RASSF3: variants seen among roughly 807,000 people sequenced by gnomAD.
RASSF3 encodes the protein Ras association domain family member 3, also known as ras association domain-containing protein 3.
Under a neutral mutation model 19.9 loss-of-function variants are expected in RASSF3, and 19 were observed. That is an observed-to-expected ratio of 0.96 (90% CI 0.67 to 1.40). The LOEUF (loss-of-function observed/expected upper bound fraction) is 1.40, where lower values mean the gene tolerates loss of function less well. Among genes scored for constraint, RASSF3 ranks in the 40% most tolerant of loss-of-function variants. The pLI, the probability that RASSF3 is intolerant of heterozygous loss-of-function variation, is 0.00. For synonymous variants in RASSF3, 110 were observed against 104.2 expected (o/e 1.06, Z -0.34); for missense variants, 306 against 289.8 (o/e 1.06, Z -0.41).
intron 1 of RASSF3, among the ~76,000 whole-genome samples, chr12:64,540,090 G>A (rs1339093148): frequency 6.6e-6 from 1 of 152,128 alleles, no homozygotes; most frequent in Non-Finnish European, 1.5e-5. Context: ...TGTTTTATCT[G>A]AAGCTTAACC....
chr12:64,661,677 C>CTTTT (rs71092993), intron 1 of RASSF3, among the ~76,000 whole-genome samples: 41 of 78,946 alleles, frequency 5.2e-4, no homozygotes, highest in Non-Finnish European at 7.6e-4. Context: ...TTTTCTTTTT[C>CTTTT]TTTTTTTTTT....
chr12:64,656,646 A>G (rs1055869859), intron 1 of RASSF3, among the ~76,000 whole-genome samples: 2 of 152,202 alleles, frequency 1.3e-5, no homozygotes, highest in Admixed American at 6.5e-5. Context: ...TGTTTACACA[A>G]GCCTGAGTCT....
At chr12:64,664,607 A>T (rs78026150) in intron 1 of RASSF3, among the ~76,000 whole-genome samples, 353 of 152,322 alleles carry the variant, frequency 2.3e-3, no homozygotes, top group African/African-American at 8.1e-3. Context: ...GAAAAATAAA[A>T]TCAGTTTCAG....
At chr12:64,560,839 T>G (rs549894009) in intron 2 of RASSF3, among the ~76,000 whole-genome samples, 1 of 152,178 alleles carries the variant, frequency 6.6e-6, no homozygotes, top group Non-Finnish European at 1.5e-5. Context: ...GCAAAGCAGG[T>G]CTGACCTCTG....
chr12:64,567,309 A>G (rs1206247156), intron 2 of RASSF3, among the ~76,000 whole-genome samples: 1 of 152,180 alleles, frequency 6.6e-6, no homozygotes, highest in African/African-American at 2.4e-5. Flanking sequence ...ATACAAAGGA[A>G]TGGAAGGAAT....
intron 1 of RASSF3, among the ~76,000 whole-genome samples, chr12:64,635,105 C>G (rs1871291422): frequency 6.6e-6 from 1 of 151,674 alleles, no homozygotes. Context: ...AGGTACATAC[C>G]ACTACACCTG....
chr12:64,694,120 T>C (rs1868322046), intron 4 of RASSF3, among the ~76,000 whole-genome samples: 1 of 152,088 alleles, frequency 6.6e-6, no homozygotes, highest in South Asian at 2.1e-4. Flanking sequence ...CCGGAGAGTT[T>C]AGAGTCTTTC....
chr12:64,649,191 G>T (rs1162844644), intron 1 of RASSF3, among the ~76,000 whole-genome samples: 6 of 145,168 alleles, frequency 4.1e-5, no homozygotes, highest in Non-Finnish European at 9.1e-5. Flanking sequence ...AGCCATCTGG[G>T]TTTTTTTTTT....
chr12:64,677,972 C>T (rs1211923474), intron 1 of RASSF3, among the ~76,000 whole-genome samples: 2 of 152,206 alleles, frequency 1.3e-5, no homozygotes, highest in African/African-American at 4.8e-5. Context: ...TGCTTCATTG[C>T]AAACCTGCTT....
At chr12:64,694,621 C>G in intron 4 of RASSF3, 142 bp from the exon 5 acceptor site, 1 of 855,868 alleles carries the variant, frequency 1.2e-6, no homozygotes. Context: ...GCTGGCAACA[C>G]CCCAGCTCTT....
At chr12:64,651,769 C>T (rs1257389576) in intron 1 of RASSF3, among the ~76,000 whole-genome samples, 1 of 151,952 alleles carries the variant, frequency 6.6e-6, no homozygotes, top group Non-Finnish European at 1.5e-5. Context: ...CTCAGGTGAT[C>T]CTTCACCCTC....
intron 2 of RASSF3, among the ~76,000 whole-genome samples, chr12:64,604,045 A>C (rs1425806458): frequency 6.6e-6 from 1 of 150,708 alleles, no homozygotes; most frequent in Non-Finnish European, 1.5e-5. Flanking sequence ...ATGGGGTTTC[A>C]CCATGTGGGC....
chr12:64,584,138 T>C (rs1869750825), intron 2 of RASSF3, among the ~76,000 whole-genome samples: 1 of 152,232 alleles, frequency 6.6e-6, no homozygotes, highest in African/African-American at 2.4e-5. Context: ...TTATAACTTA[T>C]GAGCTGCAGC....
At chr12:64,528,858 G>A (rs2136108387), upstream of RASSF3, among the ~76,000 whole-genome samples, 1 of 152,332 alleles carries the variant, frequency 6.6e-6, no homozygotes, top group East Asian at 1.9e-4. Flanking sequence ...AAGGATGACA[G>A]CAGCTGGGAG....
At chr12:64,675,528 G>C (rs560560413) in intron 1 of RASSF3, among the ~76,000 whole-genome samples, 4 of 152,124 alleles carry the variant, frequency 2.6e-5, no homozygotes, top group Non-Finnish European at 4.4e-5. Flanking sequence ...AGTGAAGGAG[G>C]AGGAAGAACA....
downstream of RASSF3, among the ~76,000 whole-genome samples, chr12:64,546,528 C>G (rs74379197): frequency 2.0e-5 from 3 of 152,202 alleles, no homozygotes; most frequent in East Asian, 1.9e-4. Context: ...CCTAGGCCCC[C>G]CAAAGTGCTG....
intron 1 of RASSF3, among the ~76,000 whole-genome samples, chr12:64,612,512 A>C (rs950889123): frequency 7.9e-6 from 1 of 126,830 alleles, no homozygotes. Flanking sequence ...ATGGAGTCTC[A>C]CTGTGTTACC....
intron 1 of RASSF3, among the ~76,000 whole-genome samples, chr12:64,678,656 A>AAAAAAAAC (rs1872999369): frequency 6.7e-6 from 1 of 150,340 alleles, no homozygotes; most frequent in African/African-American, 2.5e-5. Context: ...ACCAAAAAAA[A>AAAAAAAAC]AAAAAAAAAC....
chr12:64,663,840 CTTTTTTTTT>C lies in RASSF3; in HGVS notation c.112-20933_112-20925del, dbSNP rs34450092. On this transcript the variant is annotated intron_variant, in intron 1 of 4. Transcript: ENST00000542104. ...TTTCTTTACCACGTTTTAGCCTTGC[CTTTTTTTTT>C]TTTTTTTTTTTTTGCCTCAACAGAG... Among the ~76,000 whole-genome samples the C allele has an allele frequency of 1.9e-3, 139 of 73,084 alleles. 2 individuals carry two copies. Among genetic ancestry groups the C allele is most frequent in the African/African-American group, 6.5e-3 (133 of 20,406 alleles). The allele number at this position is 73,084 out of a possible 152,430, so 47.9% of individuals were successfully genotyped here. A position where few individuals can be genotyped will look rare whatever the true frequency, so the allele number is the denominator to read the frequency against.
Sources: allele counts gnomAD v4.1 joint callset (sites outside exome capture counted in the v4.1 genomes callset), GRCh38; gene constraint gnomAD v4.1.1; transcripts MANE v1.5; gene names NCBI Gene and HGNC (gene_info 2026-07-23, HGNC 2026-07-21).